OPCML: variants seen among roughly 807,000 people sequenced by gnomAD.
OPCML encodes the protein opioid binding protein/cell adhesion molecule like.
A neutral mutation model predicts 37.8 loss-of-function variants in OPCML; 13 were observed. The ratio of observed to expected loss-of-function variants is 0.34; its 90% CI spans 0.22 to 0.55. The LOEUF (loss-of-function observed/expected upper bound fraction) is 0.55. Ranked by LOEUF, OPCML falls within the 20% of genes least tolerant of loss-of-function variation. OPCML has a pLI of 0.91. For synonymous variants in OPCML, 176 were observed against 168.8 expected (o/e 1.04, Z -0.33); for missense variants, 341 against 435.6 (o/e 0.78, Z 1.93).
intron 2 of OPCML, among the ~76,000 whole-genome samples, chr11:132,790,777 C>A (rs574077748): frequency 1.2e-4 from 19 of 152,278 alleles, no homozygotes; most frequent in African/African-American, 4.3e-4. Context: ...TCAGATGGGG[C>A]ACAGCTTGGA....
chr11:132,527,951 A>G (rs2096313070), intron 4 of OPCML, among the ~76,000 whole-genome samples: 2 of 152,154 alleles, frequency 1.3e-5, no homozygotes, highest in Admixed American at 1.3e-4. Context: ...AAGTCAAGCA[A>G]TGCCAGTGAT....
At chr11:133,043,871 T>C (rs1260850308) in intron 1 of OPCML, among the ~76,000 whole-genome samples, 2 of 152,252 alleles carry the variant, frequency 1.3e-5, no homozygotes, top group African/African-American at 4.8e-5. Context: ...ATTCATCTGT[T>C]GACACCTTTA....
chr11:133,244,191 C>G (rs899405165), intron 1 of OPCML, among the ~76,000 whole-genome samples: 9 of 152,160 alleles, frequency 5.9e-5, no homozygotes, highest in African/African-American at 2.2e-4. Context: ...CTTGGAATGC[C>G]AGCTCCACCA....
chr11:132,557,216 G>T (rs925248816), intron 3 of OPCML, among the ~76,000 whole-genome samples: 1 of 152,240 alleles, frequency 6.6e-6, no homozygotes, highest in Non-Finnish European at 1.5e-5. Context: ...GATTATGTCC[G>T]TGGGAGCCAG....
chr11:133,201,263 C>T (rs759913658), intron 1 of OPCML, among the ~76,000 whole-genome samples: 1 of 151,006 alleles, frequency 6.6e-6, no homozygotes, highest in Non-Finnish European at 1.5e-5. Context: ...AACCTGCACA[C>T]GTACTCCTGG....
At chr11:132,460,221 T>A (rs1165831890) in intron 4 of OPCML, among the ~76,000 whole-genome samples, 1 of 152,126 alleles carries the variant, frequency 6.6e-6, no homozygotes, top group Non-Finnish European at 1.5e-5. Flanking sequence ...AAGTGACTTT[T>A]TTTTTTTTTA....
At chr11:133,130,698 C>T (rs1292276858) in intron 1 of OPCML, among the ~76,000 whole-genome samples, 3 of 152,158 alleles carry the variant, frequency 2.0e-5, no homozygotes, top group African/African-American at 4.8e-5. Flanking sequence ...ACATACAAAG[C>T]TACAGTGATC....
intron 7 of OPCML, among the ~76,000 whole-genome samples, chr11:132,431,329 C>G (rs2095996181): frequency 6.6e-6 from 1 of 152,244 alleles, no homozygotes; most frequent in Non-Finnish European, 1.5e-5. Context: ...TAGGAACAGA[C>G]AGCATCACAG....
intron 4 of OPCML, among the ~76,000 whole-genome samples, chr11:132,463,774 A>C (rs2096110871): frequency 6.6e-6 from 1 of 152,192 alleles, no homozygotes; most frequent in Non-Finnish European, 1.5e-5. Flanking sequence ...CTAAAAATAC[A>C]TATTATTGGG....
intron 1 of OPCML, chr11:133,067,308 G>C (rs1410134622): frequency 6.6e-6 from 1 of 152,130 alleles, no homozygotes; most frequent in African/African-American, 2.4e-5. Flanking sequence ...TTTGAATAGG[G>C]TCTTCCAAAT....
intron 1 of OPCML, among the ~76,000 whole-genome samples, chr11:133,100,156 G>A (rs1592000827): frequency 6.6e-6 from 1 of 152,266 alleles, no homozygotes; most frequent in Middle Eastern, 3.4e-3. Flanking sequence ...CGAGACACCT[G>A]AGTCTACTTG....
chr11:133,281,003 G>A (rs1411626229), intron 1 of OPCML, among the ~76,000 whole-genome samples: 1 of 152,180 alleles, frequency 6.6e-6, no homozygotes, highest in Non-Finnish European at 1.5e-5. Flanking sequence ...CAACCTGGTA[G>A]CTCAAGAGTT....
At chr11:132,674,231 C>A (rs1942604841) in intron 2 of OPCML, among the ~76,000 whole-genome samples, 1 of 152,182 alleles carries the variant, frequency 6.6e-6, no homozygotes, top group Non-Finnish European at 1.5e-5. Flanking sequence ...GAAAACTTAG[C>A]ATCACAGCAG....
In OPCML at chr11:132,493,655, G is replaced by C. The variant is rs114388273; in HGVS notation, c.505+35406C>G. On this transcript the variant is annotated intron_variant, in intron 4 of 7. Transcript: ENST00000524381. ...CCCAAAAAAGGAGAAGGGGAGAAAAGATGCACAGAGCATCCCAGTGGGAGA... is the reference window on the plus strand; with the variant it reads ...CCCAAAAAAGGAGAAGGGGAGAAAACATGCACAGAGCATCCCAGTGGGAGA... 7.9e-3 allele frequency among the ~76,000 whole-genome samples: 1,197 copies of C among 152,328 alleles called. 12 individuals are homozygous for C. The highest frequency in any genetic ancestry group is 0.027 in the African/African-American group (1,127 of 41,560).
intron 1 of OPCML, among the ~76,000 whole-genome samples, chr11:133,403,046 C>T (rs2136843257): frequency 6.6e-6 from 1 of 152,310 alleles, no homozygotes; most frequent in East Asian, 1.9e-4. Flanking sequence ...TTTACCACTA[C>T]ACTCTAGGCT....
intron 2 of OPCML, among the ~76,000 whole-genome samples, chr11:132,787,984 G>A (rs544830639): frequency 3.0e-4 from 46 of 152,250 alleles, no homozygotes; most frequent in African/African-American, 8.7e-4. Context: ...GGGTTCAAGC[G>A]CTTCTTCTGC....
intron 1 of OPCML, among the ~76,000 whole-genome samples, chr11:133,072,064 C>G (rs909820373): frequency 6.6e-6 from 1 of 152,158 alleles, no homozygotes; most frequent in Non-Finnish European, 1.5e-5. Context: ...TTACCGTACT[C>G]AGACTCGGGC....
intron 2 of OPCML, among the ~76,000 whole-genome samples, chr11:132,847,007 C>T (rs1168570931): frequency 1.3e-5 from 2 of 152,142 alleles, no homozygotes; most frequent in African/African-American, 2.4e-5. Flanking sequence ...AGATGTTCCC[C>T]CCAATGCCTG....
intron 1 of OPCML, among the ~76,000 whole-genome samples, chr11:133,278,037 A>C (rs1291210304): frequency 6.6e-6 from 1 of 152,134 alleles, no homozygotes; most frequent in Admixed American, 6.5e-5. Context: ...TGTAAGTGAG[A>C]TTCTATCAGC....
Sources: gnomAD v4.1 joint callset for allele counts (sites outside exome capture counted in the v4.1 genomes callset) on GRCh38, gnomAD v4.1.1 for gene constraint, MANE v1.5 for transcripts, NCBI Gene and HGNC (gene_info 2026-07-23, HGNC 2026-07-21) for gene names.